DUSP3: variants seen among roughly 807,000 people sequenced by gnomAD.
DUSP3 encodes dual specificity phosphatase 3, also known as dual specificity protein phosphatase 3.
In DUSP3, 7 loss-of-function variants were observed where a neutral mutation model predicts 15.5. The ratio of observed to expected loss-of-function variants is 0.45; its 90% CI spans 0.26 to 0.85. The LOEUF is 0.85. Ranked by LOEUF, DUSP3 falls within the 40% of genes least tolerant of loss-of-function variation. The pLI, the probability that DUSP3 is intolerant of heterozygous loss-of-function variation, is 0.18. For synonymous variants in DUSP3, 86 were observed against 104.2 expected (o/e 0.83, Z 1.07); for missense variants, 209 against 251.7 (o/e 0.83, Z 1.15).
Position 43,769,502 on chromosome 17 carries a change from G to T in DUSP3, c.*107C>A. The T allele has an allele frequency of 7.7e-7, 1 of 1,305,560 alleles. No individual in the cohort carries two copies. Among genetic ancestry groups the T allele is most frequent in the Non-Finnish European group, 1.1e-6 (1 of 937,390 alleles). The allele number at this position is 1,305,560 out of a possible 1,614,324, so 80.9% of individuals were successfully genotyped here. On this transcript the variant is annotated 3_prime_UTR_variant, in exon 3 of 3. Coordinates refer to ENST00000226004, the MANE Select transcript of DUSP3 (RefSeq NM_004090.4). ...GGACACACTTGTAGACAAGTGCCTT[G>T]TGATGCTGGGAGCAGGGTACAGTGT...
chr17:43,776,901 CGCGCAAGACT>C (rs977379524), intron 1 of DUSP3, among the ~76,000 whole-genome samples: 1 of 152,168 alleles, frequency 6.6e-6, no homozygotes, highest in Admixed American at 6.5e-5. Flanking sequence ...CTTAGGACAC[CGCGCAAGACT>C]GTGAAGCAGT....
At chr17:43,777,678 T>C (rs1447737675) in intron 1 of DUSP3, 1 of 393,376 alleles carries the variant, frequency 2.5e-6, no homozygotes, top group Non-Finnish European at 5.1e-6. Flanking sequence ...GGTAACTGGG[T>C]CCTCAGAGTA....
chr17:43,769,911 T>C, intron 2 of DUSP3, 97 bp from the exon 3 acceptor site: 1 of 1,300,716 alleles, frequency 7.7e-7, no homozygotes, highest in East Asian at 2.4e-5. Flanking sequence ...AAAAGCACAA[T>C]GTCACGCCAC....
At chr17:43,772,945 GA>G (rs1974336819) in intron 2 of DUSP3, among the ~76,000 whole-genome samples, 1 of 152,218 alleles carries the variant, frequency 6.6e-6, no homozygotes, top group Non-Finnish European at 1.5e-5. Flanking sequence ...CAAAGTCAGA[GA>G]GCTTGAAATT....
rs1000972813 is a variant in DUSP3, at chr17:43,778,936, G to A, written c.-12C>T. On this transcript the variant is annotated 5_prime_UTR_variant, in exon 1 of 3. Coordinates refer to ENST00000226004, the MANE Select transcript of DUSP3 (RefSeq NM_004090.4). ...AACGAGCCCGACATGGCGGCGGCGG[G>A]GCCCTGCACGCCCGGCAGGAGCAAG... is the stretch of plus-strand genomic sequence containing the variant. 5.8e-5 allele frequency: 83 copies of A among 1,442,328 alleles called. No individual in the cohort carries two copies. Among genetic ancestry groups the A allele is most frequent in the Non-Finnish European group, 7.1e-5 (78 of 1,092,808 alleles). 89.3% of individuals were successfully genotyped at this position (1,442,328 alleles called of 1,614,324 possible).
At chr17:43,774,111 TAAAAAAAAA>T (rs556992898) in intron 2 of DUSP3, 2 of 63,942 alleles carry the variant, frequency 3.1e-5, no homozygotes, top group Non-Finnish European at 6.5e-5. Flanking sequence ...AAACTCCATC[TAAAAAAAAA>T]AAAAAAAAAA....
At chr17:43,777,117 C>T (rs1405024031) in intron 1 of DUSP3, among the ~76,000 whole-genome samples, 4 of 152,112 alleles carry the variant, frequency 2.6e-5, no homozygotes, top group East Asian at 3.9e-4. Flanking sequence ...GGATCACAGG[C>T]GCCAGGCACC....
At chr17:43,775,048 C>T (rs551287314) in intron 1 of DUSP3, 110 bp from the exon 2 acceptor site, 6 of 1,104,914 alleles carry the variant, frequency 5.4e-6, no homozygotes, top group African/African-American at 3.1e-5. Flanking sequence ...ACCCTCCATG[C>T]TCTGGCCCCT....
chr17:43,774,111 TAAAAAAAAAA>T (rs556992898), intron 2 of DUSP3: 4 of 64,898 alleles, frequency 6.2e-5, no homozygotes, highest in Non-Finnish European at 1.3e-4. Flanking sequence ...AAACTCCATC[TAAAAAAAAAA>T]AAAAAAAAAA....
In DUSP3 at chr17:43,774,561, G is replaced by A; in HGVS notation, c.352+151C>T. 3.5e-6 allele frequency: 3 copies of A among 853,064 alleles called. No individual in the cohort carries two copies. The South Asian group carries it at 4.6e-5, about 13-fold the overall frequency. 52.8% of individuals were successfully genotyped at this position (853,064 alleles called of 1,614,324 possible). The stretch of plus-strand genomic sequence containing the variant: ...ACGGGGCCACTTGACAGCCAGCCAG[G>A]TGAGCAGAGAGAGACCTACAGCTCT... On this transcript the variant is annotated intron_variant, in intron 2 of 2. Transcript: ENST00000226004.
At chr17:43,770,871 G>A (rs978085332) in intron 2 of DUSP3, among the ~76,000 whole-genome samples, 2 of 151,566 alleles carry the variant, frequency 1.3e-5, no homozygotes, top group African/African-American at 4.8e-5. Context: ...CAATTCTCCT[G>A]CCTCAGCCTC....
At position 43,778,924 on chromosome 17, in the gene DUSP3, T is replaced by TGGC; in HGVS notation, c.-3_-1dup. 2 of 1,456,976 alleles carry TGGC rather than the reference T, an allele frequency of 1.4e-6. No individual in the cohort carries two copies. The highest frequency in any genetic ancestry group is 2.4e-5 in the Admixed American group (1 of 41,258). The allele number at this position is 1,456,976 out of a possible 1,614,324, so 90.3% of individuals were successfully genotyped here. A position where few individuals can be genotyped will look rare whatever the true frequency, so the allele number is the denominator to read the frequency against. ...ACCGAGAGCTCGAACGAGCCCGACATGGCGGCGGCGGGGCCCTGCACGCCC... is the reference window on the plus strand; with the variant it reads ...ACCGAGAGCTCGAACGAGCCCGACATGGCGGCGGCGGCGGGGCCCTGCACGCCC... On this transcript the variant is annotated 5_prime_UTR_variant, in exon 1 of 3. Transcript: ENST00000226004.
At position 43,778,939 on chromosome 17, in the gene DUSP3, C is replaced by T; in HGVS notation, c.-15G>A. The T allele has an allele frequency of 2.1e-6, 3 of 1,434,484 alleles. No homozygotes were observed. Among genetic ancestry groups the T allele is most frequent in the Non-Finnish European group, 2.8e-6 (3 of 1,088,318 alleles). 88.9% of individuals were successfully genotyped at this position (1,434,484 alleles called of 1,614,324 possible). Reference sequence around the variant, plus strand: ...GAGCCCGACATGGCGGCGGCGGGGCCCTGCACGCCCGGCAGGAGCAAGCGA... The same window carrying T: ...GAGCCCGACATGGCGGCGGCGGGGCTCTGCACGCCCGGCAGGAGCAAGCGA... On this transcript the variant is annotated 5_prime_UTR_variant, in exon 1 of 3. Coordinates refer to ENST00000226004, the MANE Select transcript of DUSP3 (RefSeq NM_004090.4).
chr17:43,774,111 TAAAAAA>T (rs556992898), intron 2 of DUSP3: 27 of 64,836 alleles, frequency 4.2e-4, no homozygotes, highest in Admixed American at 7.0e-4. Context: ...AAACTCCATC[TAAAAAA>T]AAAAAAAAAA....
chr17:43,774,627 G>A, intron 2 of DUSP3, 85 bp downstream of exon 2: 2 of 1,426,086 alleles, frequency 1.4e-6, no homozygotes, highest in East Asian at 2.3e-5. Context: ...GAGTTTCTAA[G>A]AAGAGACCTG....
In DUSP3 at chr17:43,769,344, C is replaced by A; in HGVS notation, c.*265G>T. On this transcript the variant is annotated 3_prime_UTR_variant, in exon 3 of 3. Transcript: ENST00000226004. ...AAGCATGCAGGCCACAGGCCTTCCC[C>A]CTCTGAGCCCCCATCTCAGGGAAAA... 2.2e-6 allele frequency: 1 copy of A among 463,352 alleles called. No homozygotes were observed. The highest frequency in any genetic ancestry group is 3.9e-6 in the Non-Finnish European group (1 of 258,612). 28.7% of individuals were successfully genotyped at this position (463,352 alleles called of 1,614,324 possible).
At chr17:43,773,872 G>A (rs1262254213) in intron 2 of DUSP3, 1 of 158,760 alleles carries the variant, frequency 6.3e-6, no homozygotes, top group Non-Finnish European at 1.4e-5. Context: ...GGCAGAGGGA[G>A]GCGGATCACC....
Position 43,768,675 on chromosome 17 carries a change from G to A in DUSP3, c.*934C>T, listed in dbSNP as rs1019175683. The A allele has an allele frequency of 1.2e-4, 18 of 152,088 alleles. No individual in the cohort carries two copies. Among genetic ancestry groups the A allele is most frequent in the African/African-American group, 3.6e-4 (15 of 41,404 alleles). The allele number at this position is 152,088 out of a possible 1,614,324, so 9.4% of individuals were successfully genotyped here. The stretch of plus-strand genomic sequence containing the variant: ...TCCTTCTGTTCTTGGAATAGCAACC[G>A]AGACAAAAAGCAGTTAGCACGAGTG... On this transcript the variant is annotated 3_prime_UTR_variant, in exon 3 of 3. Coordinates refer to ENST00000226004, the MANE Select transcript of DUSP3 (RefSeq NM_004090.4).
chr17:43,771,431 T>C (rs543474027), intron 2 of DUSP3, among the ~76,000 whole-genome samples: 2 of 152,300 alleles, frequency 1.3e-5, no homozygotes, highest in African/African-American at 2.4e-5. Flanking sequence ...TAGAGAATCC[T>C]GACCAATACA....
Sources: gnomAD v4.1 joint callset for allele counts (sites outside exome capture counted in the v4.1 genomes callset) on GRCh38, gnomAD v4.1.1 for gene constraint, MANE v1.5 for transcripts, NCBI Gene and HGNC (gene_info 2026-07-23, HGNC 2026-07-21) for gene names.